Variants in MARCHF4 observed in about 807,000 individuals in gnomAD.
The protein encoded by MARCHF4 is E3 ubiquitin-protein ligase MARCHF4.
In MARCHF4, 14 loss-of-function variants were observed where a neutral mutation model predicts 43.9. The ratio of observed to expected loss-of-function variants is 0.32; its 90% CI spans 0.21 to 0.50. The LOEUF (loss-of-function observed/expected upper bound fraction) is 0.50, where lower values mean the gene tolerates loss of function less well. Ranked by LOEUF, MARCHF4 falls within the 20% of genes least tolerant of loss-of-function variation. The pLI is 0.98. For missense variants in MARCHF4, 468 were observed against 536.7 expected (o/e 0.87, Z 1.27); for synonymous variants, 226 against 213.3 (o/e 1.06, Z -0.52).
intron 1 of MARCHF4, among the ~76,000 whole-genome samples, chr2:216,295,799 T>C (rs6741723): frequency 0.11 from 16,409 of 152,212 alleles, 1,257 homozygotes; most frequent in African/African-American, 0.21. Flanking sequence ...TGAAAGCCAG[T>C]TGTCTCCAGG....
chr2:216,369,299 AAG>A (rs772028052), intron 1 of MARCHF4, among the ~76,000 whole-genome samples: 20 of 152,352 alleles, frequency 1.3e-4, no homozygotes, highest in South Asian at 1.0e-3. Context: ...AGAAAAGGAA[AAG>A]AGAACAAGAT....
At chr2:216,363,886 G>A (rs1257001759) in intron 1 of MARCHF4, among the ~76,000 whole-genome samples, 1 of 152,184 alleles carries the variant, frequency 6.6e-6, no homozygotes, top group Admixed American at 6.5e-5. Context: ...GATGTCCTGA[G>A]ATGAGATGAC....
At chr2:216,337,272 T>G (rs1167780386) in intron 1 of MARCHF4, among the ~76,000 whole-genome samples, 1 of 152,208 alleles carries the variant, frequency 6.6e-6, no homozygotes, top group Non-Finnish European at 1.5e-5. Context: ...AGTAAAAATT[T>G]CAATAACAGG....
In MARCHF4 at chr2:216,264,173, C is replaced by T. The variant is rs1345507742; in HGVS notation, c.866-4494G>A. 7.2e-5 allele frequency among the ~76,000 whole-genome samples: 11 copies of T among 152,306 alleles called. No homozygotes were observed. The East Asian group carries it at 2.1e-3, about 29-fold the overall frequency. ...GTGTCTGAAATCATGCCTCGCTCAA[C>T]AAGTCTTCAAGGTTCATCGAAAAAG... On this transcript the variant is annotated intron_variant, in intron 3 of 3. Transcript: ENST00000273067.
At chr2:216,343,716 A>G (rs1692268479) in intron 1 of MARCHF4, among the ~76,000 whole-genome samples, 1 of 152,208 alleles carries the variant, frequency 6.6e-6, no homozygotes, top group Non-Finnish European at 1.5e-5. Flanking sequence ...GAAAAATATT[A>G]AATAGTTTCA....
At chr2:216,266,674 C>CA (rs1364819777) in intron 3 of MARCHF4, among the ~76,000 whole-genome samples, 1 of 152,208 alleles carries the variant, frequency 6.6e-6, no homozygotes, top group African/African-American at 2.4e-5. Context: ...GAAGCCCTAC[C>CA]ATTGCCAACC....
intron 1 of MARCHF4, among the ~76,000 whole-genome samples, chr2:216,309,690 A>G (rs958666830): frequency 6.6e-6 from 1 of 152,208 alleles, no homozygotes; most frequent in African/African-American, 2.4e-5. Context: ...AAACTTGGAA[A>G]CCATCTTGCT....
At chr2:216,286,090 G>A (rs1691214546) in intron 1 of MARCHF4, among the ~76,000 whole-genome samples, 1 of 152,226 alleles carries the variant, frequency 6.6e-6, no homozygotes, top group Non-Finnish European at 1.5e-5. Flanking sequence ...GGTGGAGAAA[G>A]GAGGAGCGTG....
chr2:216,283,873 A>G, intron 1 of MARCHF4, 144 bp from the exon 2 acceptor site: 1 of 860,636 alleles, frequency 1.2e-6, no homozygotes, highest in Non-Finnish European at 1.7e-6. Context: ...GACTCCATGG[A>G]GGAGGCCTGG....
intron 1 of MARCHF4, among the ~76,000 whole-genome samples, chr2:216,298,263 T>G (rs1033898058): frequency 3.2e-5 from 4 of 125,682 alleles, no homozygotes; most frequent in Admixed American, 7.5e-5. Context: ...TAGGTTTTTT[T>G]TTTTTTTTTT....
chr2:216,354,900 T>C (rs368667240), intron 1 of MARCHF4, among the ~76,000 whole-genome samples: 7 of 45,840 alleles, frequency 1.5e-4, no homozygotes, highest in South Asian at 9.6e-4. Flanking sequence ...GTTTTCTTTC[T>C]TTCTTTCTTT....
At chr2:216,303,920 G>A (rs1691538833) in intron 1 of MARCHF4, among the ~76,000 whole-genome samples, 1 of 152,170 alleles carries the variant, frequency 6.6e-6, no homozygotes, top group African/African-American at 2.4e-5. Flanking sequence ...TGTAAAGGAA[G>A]GGAGCAGCAC....
intron 3 of MARCHF4, among the ~76,000 whole-genome samples, chr2:216,262,478 T>C (rs1333899446): frequency 6.6e-6 from 1 of 152,072 alleles, no homozygotes; most frequent in Admixed American, 6.5e-5. Context: ...ATACGAAAGG[T>C]ATAAGGAATA....
At chr2:216,346,912 T>TG (rs1444993077) in intron 1 of MARCHF4, among the ~76,000 whole-genome samples, 5 of 152,210 alleles carry the variant, frequency 3.3e-5, no homozygotes, top group South Asian at 4.1e-4. Context: ...GATTAGATCA[T>TG]GGGGGGGATT....
chr2:216,262,548 G>C (rs532352494), intron 3 of MARCHF4, among the ~76,000 whole-genome samples: 1 of 152,292 alleles, frequency 6.6e-6, no homozygotes, highest in African/African-American at 2.4e-5. Context: ...AGGATTATTG[G>C]AGTCAGTGAA....
At chr2:216,288,359 T>G (rs760316869) in intron 1 of MARCHF4, among the ~76,000 whole-genome samples, 10 of 152,368 alleles carry the variant, frequency 6.6e-5, no homozygotes, top group Non-Finnish European at 1.3e-4. Context: ...CTAACTCACA[T>G]TTCTGTAAGA....
chr2:216,310,650 T>A (rs539285513), intron 1 of MARCHF4, among the ~76,000 whole-genome samples: 1 of 152,330 alleles, frequency 6.6e-6, no homozygotes, highest in East Asian at 1.9e-4. Flanking sequence ...GTAAGCTTGC[T>A]CTCTGCTGCA....
chr2:216,358,071 G>A (rs1468578644), intron 1 of MARCHF4, among the ~76,000 whole-genome samples: 3 of 152,188 alleles, frequency 2.0e-5, no homozygotes, highest in Non-Finnish European at 4.4e-5. Flanking sequence ...TGATTTTATT[G>A]TATGTTTGTA....
At chr2:216,349,509 C>CAG (rs1199435102) in intron 1 of MARCHF4, among the ~76,000 whole-genome samples, 3 of 152,168 alleles carry the variant, frequency 2.0e-5, no homozygotes, top group Non-Finnish European at 2.9e-5. Context: ...ATAGTGATAA[C>CAG]AGAGCAGGCG....
Sources: allele counts gnomAD v4.1 joint callset (sites outside exome capture counted in the v4.1 genomes callset), GRCh38; gene constraint gnomAD v4.1.1; transcripts MANE v1.5; gene names NCBI Gene and HGNC (gene_info 2026-07-23, HGNC 2026-07-21).